Variants in FRYL observed in about 807,000 individuals in gnomAD.
The protein encoded by FRYL is protein furry homolog-like.
FRYL carries 150 observed loss-of-function variants against 351.2 expected under a neutral mutation model. The observed-to-expected ratio is 0.43, with a 90% CI of 0.37 to 0.49. FRYL has a LOEUF of 0.49. FRYL is among the 20% of genes least tolerant of loss of function. The pLI is 0.00. For missense variants in FRYL, 3,036 were observed against 3,619.3 expected (o/e 0.84, Z 4.13); for synonymous variants, 1,153 against 1,257.1 (o/e 0.92, Z 1.75).
chr4:48,712,158 C>T (rs867947970), intron 1 of FRYL, among the ~76,000 whole-genome samples: 1 of 152,144 alleles, frequency 6.6e-6, no homozygotes, highest in Non-Finnish European at 1.5e-5. Context: ...AAAAGCAGGG[C>T]ACCTCTCCTC....
intron 1 of FRYL, among the ~76,000 whole-genome samples, chr4:48,773,456 CTTTA>C (rs1451388245): frequency 2.0e-5 from 3 of 152,022 alleles, no homozygotes; most frequent in African/African-American, 4.8e-5. Flanking sequence ...AAGTATTGCC[CTTTA>C]TTTGAGTCCA....
intron 1 of FRYL, among the ~76,000 whole-genome samples, chr4:48,762,617 C>T (rs1339394550): frequency 1.3e-5 from 2 of 152,164 alleles, no homozygotes; most frequent in Admixed American, 1.3e-4. Flanking sequence ...CATTTTTAAT[C>T]TTTCTTGTGT....
intron 3 of FRYL, among the ~76,000 whole-genome samples, chr4:48,644,141 C>T (rs529429104): frequency 6.6e-6 from 1 of 152,118 alleles, no homozygotes; most frequent in African/African-American, 2.4e-5. Flanking sequence ...AGGGTTTCCC[C>T]GTGTTGGTCA....
In FRYL at chr4:48,539,855, C is replaced by T. The variant is rs990097879; in HGVS notation, c.6393+116G>A. 9.8e-6 allele frequency: 7 copies of T among 717,632 alleles called. No homozygotes were observed. The East Asian group carries it at 1.9e-4, about 20-fold the overall frequency. The allele number at this position is 717,632 out of a possible 1,614,324, so 44.5% of individuals were successfully genotyped here. A position where few individuals can be genotyped will look rare whatever the true frequency, so the allele number is the denominator to read the frequency against. On this transcript the variant is annotated intron_variant, in intron 47 of 63. Coordinates refer to ENST00000358350, the MANE Select transcript of FRYL (RefSeq NM_015030.2). ...GTGCATAAAAATAAAAATTTAAATGCAAAATTCATATGGGAAGTGACAATA... is the reference window on the plus strand; with the variant it reads ...GTGCATAAAAATAAAAATTTAAATGTAAAATTCATATGGGAAGTGACAATA...
chr4:48,537,486 C>A (rs1729136744), intron 47 of FRYL, among the ~76,000 whole-genome samples: 1 of 152,178 alleles, frequency 6.6e-6, no homozygotes, highest in South Asian at 2.1e-4. Context: ...AAGGCACAAA[C>A]AGTAGAACTA....
intron 31 of FRYL, among the ~76,000 whole-genome samples, chr4:48,563,575 T>C (rs116543640): frequency 0.019 from 2,908 of 151,850 alleles, 91 homozygotes; most frequent in African/African-American, 0.066. Context: ...CCAGGCATGG[T>C]AGTGGGAGCC....
At chr4:48,608,899 T>C in intron 9 of FRYL, 88 bp downstream of exon 9, 1 of 816,194 alleles carries the variant, frequency 1.2e-6, no homozygotes, top group East Asian at 2.5e-5. Flanking sequence ...AATGGTGGAT[T>C]TCGAACTATC....
In FRYL at chr4:48,535,858, CTAAAA is replaced by C. The variant is rs764721165; in HGVS notation, c.6394-36_6394-32del. 3.5e-6 allele frequency: 5 copies of C among 1,423,528 alleles called. No individual in the cohort carries two copies. The Admixed American group carries it at 9.8e-5, about 28-fold the overall frequency. The allele number at this position is 1,423,528 out of a possible 1,614,324, so 88.2% of individuals were successfully genotyped here. On this transcript the variant is annotated intron_variant, in intron 47 of 63. Coordinates refer to ENST00000358350, the MANE Select transcript of FRYL (RefSeq NM_015030.2). ...AAACAAATAAAATTATTTCATTCAC[CTAAAA>C]TAAAGACACAAGTTTAACTTGATTT...
At chr4:48,578,899 G>T in intron 23 of FRYL, 74 bp downstream of exon 23, 1 of 1,335,182 alleles carries the variant, frequency 7.5e-7, no homozygotes, top group Non-Finnish European at 1.0e-6. Flanking sequence ...TAATACTTTT[G>T]AATTTTTCAA....
chr4:48,759,239 A>T (rs543155592), intron 1 of FRYL, among the ~76,000 whole-genome samples: 5 of 152,192 alleles, frequency 3.3e-5, no homozygotes, highest in South Asian at 2.1e-4. Flanking sequence ...ATAATAATAA[A>T]AAAAAGAAAG....
At chr4:48,630,684 A>C (rs561473204) in intron 4 of FRYL, among the ~76,000 whole-genome samples, 18 of 152,334 alleles carry the variant, frequency 1.2e-4, no homozygotes, top group African/African-American at 3.8e-4. Context: ...ATTGTGGCTA[A>C]AAATCCAACT....
At position 48,522,895 on chromosome 4, in the gene FRYL, G is replaced by T; in HGVS notation, c.7521+6C>A. The T allele has an allele frequency of 6.2e-7, 1 of 1,606,418 alleles. No homozygotes were observed. The highest frequency in any genetic ancestry group is 8.5e-7 in the Non-Finnish European group (1 of 1,173,100). ...AATGTCACTGTAAGAAAAGTGAATTGTATACCATCTGTGTGCGTGAGAGTA... is the reference window on the plus strand; with the variant it reads ...AATGTCACTGTAAGAAAAGTGAATTTTATACCATCTGTGTGCGTGAGAGTA... On this transcript the variant is annotated splice_donor_region_variant and intron_variant, in intron 54 of 63. Transcript: ENST00000358350.
Position 48,603,364 on chromosome 4 carries a change from G to T in FRYL, c.859C>A (p.Pro287Thr). Residue 287 changes from proline to threonine, a missense_variant, in exon 12 of 64, where the codon CCC becomes ACC. Pro to Thr is a conservative substitution (Grantham distance 38). This residue lies in a region of FRYL where 457 missense variants were observed against 566.6 expected (regional missense o/e 0.81). Coordinates refer to ENST00000358350, the MANE Select transcript of FRYL (RefSeq NM_015030.2). ...ATCTCCACAAAATTTTTCAAACAGG[G>T]AACATTCACTTCATTTTTAACAGCC... Reference protein sequence around the residue: ...AAAVKNEVNVPCLKNFVEMLY... With the variant: ...AAAVKNEVNVTCLKNFVEMLY... 1 of 1,609,602 alleles carries T rather than the reference G, an allele frequency of 6.2e-7. No homozygotes were observed. The highest frequency in any genetic ancestry group is 1.1e-5 in the South Asian group (1 of 90,738).
intron 1 of FRYL, among the ~76,000 whole-genome samples, chr4:48,763,986 T>C (rs891073771): frequency 1.3e-5 from 2 of 151,990 alleles, no homozygotes; most frequent in Non-Finnish European, 2.9e-5. Flanking sequence ...CTGGCCAATG[T>C]GGTGAAACCC....
intron 7 of FRYL, among the ~76,000 whole-genome samples, chr4:48,616,016 A>T (rs1462144329): frequency 6.6e-6 from 1 of 152,122 alleles, no homozygotes; most frequent in African/African-American, 2.4e-5. Context: ...TTGAACAATG[A>T]GAACACATGG....
At chr4:48,608,423 T>C (rs1303018869) in intron 9 of FRYL, among the ~76,000 whole-genome samples, 1 of 152,208 alleles carries the variant, frequency 6.6e-6, no homozygotes, top group Non-Finnish European at 1.5e-5. Flanking sequence ...ATTGTTACAG[T>C]AACCACAAGT....
At chr4:48,767,842 C>T (rs1221816324) in intron 1 of FRYL, among the ~76,000 whole-genome samples, 5 of 152,172 alleles carry the variant, frequency 3.3e-5, no homozygotes, top group Admixed American at 6.5e-5. Context: ...ATTGCAGCTA[C>T]GGGTCCATTC....
In FRYL at chr4:48,631,479, C is replaced by T. The variant is rs1281725877; in HGVS notation, c.120+2812G>A. Among the ~76,000 whole-genome samples the T allele has an allele frequency of 7.2e-5, 11 of 151,910 alleles. No homozygotes were observed. In the East Asian group the frequency reaches 2.1e-3, roughly 29 times the overall value. On this transcript the variant is annotated intron_variant, in intron 4 of 63. Transcript: ENST00000358350. Reference sequence around the variant, plus strand: ...ATTATTATTAGAAAAACAAAAGGCACACACCACAGCAATACTTCTTAAGGC... The same window carrying T: ...ATTATTATTAGAAAAACAAAAGGCATACACCACAGCAATACTTCTTAAGGC...
intron 3 of FRYL, among the ~76,000 whole-genome samples, chr4:48,679,204 T>A (rs1039345647): frequency 1.3e-5 from 2 of 152,146 alleles, no homozygotes; most frequent in African/African-American, 4.8e-5. Context: ...GTGGCCTCAT[T>A]TCCATTTCTA....
Sources: allele counts gnomAD v4.1 joint callset (sites outside exome capture counted in the v4.1 genomes callset), GRCh38; gene constraint gnomAD v4.1.1; regional missense constraint gnomAD v4.1.1; transcripts MANE v1.5; gene names NCBI Gene and HGNC (gene_info 2026-07-23, HGNC 2026-07-21).